Variants in PHF24 observed in about 807,000 individuals in gnomAD.
PHF24 encodes the protein PHD finger protein 24.
Under a neutral mutation model 42.6 loss-of-function variants are expected in PHF24, and 25 were observed. The ratio of observed to expected loss-of-function variants is 0.59; its 90% confidence interval spans 0.43 to 0.82. The LOEUF (loss-of-function observed/expected upper bound fraction) is 0.82. Among genes scored for constraint, PHF24 ranks in the 40% least tolerant of loss-of-function variants. The probability of loss-of-function intolerance (pLI) is 0.00; values close to 1 mark genes in which losing one functional copy is unlikely to be tolerated. For missense variants in PHF24, 470 were observed against 538.1 expected, an observed-to-expected ratio of 0.87 and a Z score of 1.25; for synonymous variants, 185 against 204.8, an observed-to-expected ratio of 0.90 and a Z score of 0.83.
At chr9:34,731,969 G>A in the PHF24 span, among the ~76,000 whole-genome samples, 1 of 151,586 alleles carries the variant, frequency 6.6e-6, no homozygotes, top group Non-Finnish European at 1.5e-5. Context: ...TCCTGCCTCA[G>A]CCTCCCAGGT....
chr9:34,799,859 T>A, the PHF24 span, among the ~76,000 whole-genome samples: 1 of 152,184 alleles, frequency 6.6e-6, no homozygotes, highest in African/African-American at 2.4e-5. Context: ...AGATTTTTTT[T>A]AAGTGGTGAC....
At chr9:34,901,269 C>A in the PHF24 span, among the ~76,000 whole-genome samples, 2 of 152,068 alleles carry the variant, frequency 1.3e-5, no homozygotes, top group Non-Finnish European at 2.9e-5. Context: ...GCCTTGATAC[C>A]AAATCCAAAG....
At chr9:34,809,280 T>C in the PHF24 span, among the ~76,000 whole-genome samples, 1 of 152,186 alleles carries the variant, frequency 6.6e-6, no homozygotes, top group African/African-American at 2.4e-5. The surrounding 1 kb of genome is among the most constrained non-coding windows in gnomAD (Gnocchi z 4.1). Context: ...AAATAAGGTC[T>C]TCAGCATTTC....
chr9:34,872,783 C>T, the PHF24 span, among the ~76,000 whole-genome samples: 1 of 146,952 alleles, frequency 6.8e-6, no homozygotes, highest in African/African-American at 2.5e-5. Context: ...AATCGCCACA[C>T]TGACTTCCAC....
chr9:34,742,206 A>G, the PHF24 span, among the ~76,000 whole-genome samples: 2 of 152,252 alleles, frequency 1.3e-5, no homozygotes, highest in Non-Finnish European at 2.9e-5. Flanking sequence ...TGAAGGGAAT[A>G]TTAATCAGCT....
At chr9:34,919,298 T>G in the PHF24 span, among the ~76,000 whole-genome samples, 1 of 152,238 alleles carries the variant, frequency 6.6e-6, no homozygotes, top group South Asian at 2.1e-4. Context: ...CATTTCCTTG[T>G]ATTGGGAACA....
the PHF24 span, among the ~76,000 whole-genome samples, chr9:34,740,227 G>A: frequency 4.6e-5 from 7 of 152,216 alleles, no homozygotes; most frequent in South Asian, 4.1e-4. Flanking sequence ...GTCCCCGGCC[G>A]TGCGCCCGCA....
chr9:34,863,245 C>G, the PHF24 span, among the ~76,000 whole-genome samples: 3 of 152,094 alleles, frequency 2.0e-5, no homozygotes, highest in African/African-American at 7.2e-5. Flanking sequence ...GCTTTAGCAC[C>G]TGCTGATTGT....
At chr9:34,687,102 A>G in the PHF24 span, among the ~76,000 whole-genome samples, 1 of 151,920 alleles carries the variant, frequency 6.6e-6, no homozygotes, top group African/African-American at 2.4e-5. Flanking sequence ...GATGGAAAGC[A>G]TTGGCTGTAG....
At chr9:34,705,551 G>T in the PHF24 span, among the ~76,000 whole-genome samples, 10 of 152,168 alleles carry the variant, frequency 6.6e-5, no homozygotes, top group African/African-American at 2.4e-4. Context: ...AAAGTGTTGG[G>T]ATTACAGGCG....
intron 6 of PHF24, 131 bp downstream of exon 6, chr9:34,977,374 G>C (rs1045799467): frequency 7.9e-6 from 10 of 1,264,822 alleles, no homozygotes; most frequent in South Asian, 1.4e-5. Flanking sequence ...TTAGGTAGAG[G>C]ATGGTGATGC....
chr9:34,837,724 G>A, the PHF24 span: 2 of 1,444,230 alleles, frequency 1.4e-6, no homozygotes, highest in Non-Finnish European at 1.9e-6. Flanking sequence ...ACATTAGAAT[G>A]TGAAGCTGGG....
At chr9:34,903,355 C>T in the PHF24 span, among the ~76,000 whole-genome samples, 2 of 152,052 alleles carry the variant, frequency 1.3e-5, no homozygotes, top group Non-Finnish European at 2.9e-5. Context: ...ACACTTGAGG[C>T]TAGGAGTTCA....
the PHF24 span, among the ~76,000 whole-genome samples, chr9:34,737,301 C>A: frequency 5.3e-5 from 8 of 152,176 alleles, no homozygotes; most frequent in African/African-American, 1.7e-4. Context: ...GAATATGTGA[C>A]CTTTTGCACC....
At chr9:34,759,462 G>A in the PHF24 span, among the ~76,000 whole-genome samples, 1 of 152,176 alleles carries the variant, frequency 6.6e-6, no homozygotes, top group Admixed American at 6.5e-5. Flanking sequence ...GAATGTACAT[G>A]TGAGTAGTAA....
At chr9:34,794,131 G>A in the PHF24 span, among the ~76,000 whole-genome samples, 5 of 152,200 alleles carry the variant, frequency 3.3e-5, no homozygotes, top group Admixed American at 3.3e-4. Context: ...GCATTGATCT[G>A]ACTATAAACA....
At chr9:34,971,753 G>C (rs538758704) in intron 2 of PHF24, 77 bp downstream of exon 2, 4 of 1,475,012 alleles carry the variant, frequency 2.7e-6, no homozygotes, top group Admixed American at 2.3e-5. Flanking sequence ...ATGTGGGTAA[G>C]GTGATCCTCA....
the PHF24 span, among the ~76,000 whole-genome samples, chr9:34,862,253 C>G: frequency 2.0e-5 from 3 of 152,146 alleles, no homozygotes; most frequent in African/African-American, 7.2e-5. Flanking sequence ...TAAGCAAATT[C>G]TATTTCTGAA....
chr9:34,824,798 A>G, the PHF24 span, among the ~76,000 whole-genome samples: 2 of 152,216 alleles, frequency 1.3e-5, no homozygotes, highest in Admixed American at 1.3e-4. Flanking sequence ...TGGTCACTAT[A>G]GCTGTGGTCC....
Sources: gnomAD v4.1 joint callset for allele counts (sites outside exome capture counted in the v4.1 genomes callset) on GRCh38, gnomAD v4.1.1 for gene constraint, Gnocchi (gnomAD v3.1) non-coding constraint, MANE v1.5 for transcripts, NCBI Gene and HGNC (gene_info 2026-07-23, HGNC 2026-07-21) for gene names.